RREB1: variants seen among roughly 807,000 people sequenced by gnomAD.
RREB1 encodes the protein ras responsive element binding protein 1.
In RREB1, 27 loss-of-function variants were observed where a neutral mutation model predicts 117.8. The observed-to-expected ratio is 0.23, with a 90% confidence interval of 0.17 to 0.32. The LOEUF (loss-of-function observed/expected upper bound fraction) is 0.32. RREB1 is among the 10% of genes least tolerant of loss of function. RREB1 has a pLI of 1.00. For missense variants in RREB1, 2,577 were observed against 2,378.2 expected, an observed-to-expected ratio of 1.08 and a Z score of -1.74; for synonymous variants, 1,298 against 1,026.7, an observed-to-expected ratio of 1.26 and a Z score of -5.05.
intron 12 of RREB1, 72 bp from the exon 13 acceptor site, chr6:7,248,439 C>G (rs1468758137): frequency 2.2e-6 from 3 of 1,341,036 alleles, no homozygotes; most frequent in Non-Finnish European, 3.2e-6. Context: ...CCTCATTCTT[C>G]CTGTGCAGAG....
intron 1 of RREB1, among the ~76,000 whole-genome samples, chr6:7,123,549 TAGTG>T (rs1404056901): frequency 6.6e-6 from 1 of 151,594 alleles, no homozygotes; most frequent in Non-Finnish European, 1.5e-5. Flanking sequence ...TTTGGAATTT[TAGTG>T]AGGTTTTCTC....
chr6:7,228,891 T>C (rs909770728), intron 9 of RREB1, 106 bp from the exon 10 acceptor site: 1 of 999,974 alleles, frequency 1.0e-6, no homozygotes, highest in Non-Finnish European at 1.4e-6. Flanking sequence ...GGAAAGGCTG[T>C]GTACTGGGAT....
intron 6 of RREB1, among the ~76,000 whole-genome samples, chr6:7,191,661 G>C (rs1208097504): frequency 6.6e-6 from 1 of 152,158 alleles, no homozygotes; most frequent in Non-Finnish European, 1.5e-5. Context: ...ACGTCTCATA[G>C]TTTTCAGAGT....
chr6:7,155,699 A>G (rs1322627158), intron 1 of RREB1, among the ~76,000 whole-genome samples: 1 of 152,276 alleles, frequency 6.6e-6, no homozygotes, highest in East Asian at 1.9e-4. Context: ...GGAAATCCAG[A>G]TAGAGTTAGA....
intron 1 of RREB1, among the ~76,000 whole-genome samples, chr6:7,174,656 TG>T (rs1764412701): frequency 6.6e-6 from 1 of 152,254 alleles, no homozygotes; most frequent in African/African-American, 2.4e-5. Context: ...TCGTCCAGGC[TG>T]GAGTGCAGAG....
chr6:7,157,028 C>A (rs1315401817), intron 1 of RREB1, among the ~76,000 whole-genome samples: 1 of 152,210 alleles, frequency 6.6e-6, no homozygotes, highest in African/African-American at 2.4e-5. Flanking sequence ...GCTGCCTTGC[C>A]CCAGCTCCCT....
At chr6:7,109,032 G>T (rs1238407802) in intron 1 of RREB1, among the ~76,000 whole-genome samples, 1 of 151,378 alleles carries the variant, frequency 6.6e-6, no homozygotes, top group Admixed American at 6.6e-5. Context: ...GGCGGGGGGG[G>T]TGGGGGGCTC....
At chr6:7,148,117 G>A (rs1413118025) in intron 1 of RREB1, among the ~76,000 whole-genome samples, 1 of 152,104 alleles carries the variant, frequency 6.6e-6, no homozygotes, top group African/African-American at 2.4e-5. Context: ...TGGGGGGAGA[G>A]GTATGTAAAA....
intron 1 of RREB1, among the ~76,000 whole-genome samples, chr6:7,116,875 C>T (rs182654695): frequency 6.6e-6 from 1 of 152,274 alleles, no homozygotes; most frequent in East Asian, 1.9e-4. Context: ...TTTCATGGCT[C>T]TTGATTTGAA....
At chr6:7,119,434 G>C (rs1241162110) in intron 1 of RREB1, among the ~76,000 whole-genome samples, 1 of 152,182 alleles carries the variant, frequency 6.6e-6, no homozygotes, top group Admixed American at 6.5e-5. Flanking sequence ...TGTGGCCTTT[G>C]TGTGTGGGGG....
At position 7,230,608 on chromosome 6, in the gene RREB1, C is replaced by A. The variant is rs1227710855; in HGVS notation, c.2509C>A (p.Pro837Thr). The A allele has an allele frequency of 6.2e-7, 1 of 1,603,914 alleles. No homozygotes were observed. Among genetic ancestry groups the A allele is most frequent in the South Asian group, 1.1e-5 (1 of 90,322 alleles). The change falls in exon 10 of 13, where the codon CCG becomes ACG. Residue 837 changes from proline to threonine, a missense_variant. Physicochemically the swap from Pro to Thr is conservative, Grantham distance 38. Transcript: ENST00000379938. The stretch of plus-strand genomic sequence containing the variant: ...CGACGGCCTGGGCCCCGCAGAGGCG[C>A]CGGCCGCTGAGGCGTCGGGGCGCGG... The part of the protein sequence containing the change: ...AADGLGPAEA[P>T]AAEASGRGED...
intron 1 of RREB1, among the ~76,000 whole-genome samples, chr6:7,118,732 A>T (rs1171945348): frequency 6.7e-6 from 1 of 149,876 alleles, no homozygotes; most frequent in Admixed American, 6.6e-5. Context: ...TCAGTATGAG[A>T]TTTAGCGTCC....
rs1459985057 is a variant in RREB1, at chr6:7,248,707, G to A, written c.4968G>A (p.Glu1656=). 1 of 1,614,224 alleles carries A rather than the reference G, an allele frequency of 6.2e-7. No homozygotes were observed. ...GCAACAACGCCGTCTCAGAGAACGAGGCTGAGCTGGCTCCCAATGCCAGCA... is the reference window on the plus strand; with the variant it reads ...GCAACAACGCCGTCTCAGAGAACGAAGCTGAGCTGGCTCCCAATGCCAGCA... ...HSGNNAVSEN[E]AELAPNASNH... The change falls in exon 13 of 13, where the codon GAG becomes GAA. Residue 1656 remains glutamate (E), a synonymous_variant. Transcript: ENST00000379938.
rs368033890 is a variant in RREB1, at chr6:7,223,561, C to CAAAAAAAAAAAAAAAAAAA, written c.708-2892_708-2891insAAAAAAAAAAAAAAAAAAA. 3.1e-5 allele frequency among the ~76,000 whole-genome samples: 3 copies of CAAAAAAAAAAAAAAAAAAA among 95,768 alleles called. 1 individual carries two copies. Among genetic ancestry groups the CAAAAAAAAAAAAAAAAAAA allele is most frequent in the African/African-American group, 9.9e-5 (2 of 20,148 alleles). The allele number at this position is 95,768 out of a possible 152,430, so 62.8% of individuals were successfully genotyped here. ...GGGCAACAAAACAAAACTCTTGTCT[C>CAAAAAAAAAAAAAAAAAAA]AAAAAAAAAAAAAAGGTGAAGAGTA... On this transcript the variant is annotated intron_variant, in intron 8 of 12. Coordinates refer to ENST00000379938, the MANE Select transcript of RREB1 (RefSeq NM_001003699.4).
In RREB1 at chr6:7,146,858, C is replaced by T. The variant is rs530035359; in HGVS notation, c.-284-29797C>T. 4.0e-5 allele frequency among the ~76,000 whole-genome samples: 6 copies of T among 151,486 alleles called. No homozygotes were observed. In the East Asian group the frequency reaches 1.2e-3, roughly 29 times the overall value. ...TCTTCACACTGGTTGGAAGATGTTT[C>T]TGATTCTAGTTTGTCTGGCACTCTG... is the stretch of plus-strand genomic sequence containing the variant. On this transcript the variant is annotated intron_variant, in intron 1 of 12. Transcript: ENST00000379938.
intron 1 of RREB1, among the ~76,000 whole-genome samples, chr6:7,108,960 C>G (rs1397912212): frequency 6.8e-6 from 1 of 147,746 alleles, no homozygotes; most frequent in African/African-American, 2.5e-5. Flanking sequence ...TTCCCTCGCC[C>G]TTCCGTTGGC....
Position 7,246,623 on chromosome 6 carries a change from G to C in RREB1, c.4173G>C (p.Glu1391Asp). 6.4e-7 allele frequency: 1 copy of C among 1,567,526 alleles called. No homozygotes were observed. Among genetic ancestry groups the C allele is most frequent in the East Asian group, 2.4e-5 (1 of 42,238 alleles). Residue 1391 changes from glutamate (E) to aspartate (D), a missense_variant, in exon 12 of 13, where the codon GAG becomes GAC. Physicochemically the swap from Glu to Asp is conservative, Grantham distance 45. Transcript: ENST00000379938. ...EHGRGESHEP[E>D]EEHGTEESTG... Reference sequence around the variant, plus strand: ...GGCGTGGGGAGAGCCATGAGCCGGAGGAGGAGCATGGCACTGAGGAGAGCA... The same window carrying C: ...GGCGTGGGGAGAGCCATGAGCCGGACGAGGAGCATGGCACTGAGGAGAGCA...
intron 6 of RREB1, among the ~76,000 whole-genome samples, chr6:7,198,318 T>C (rs1462247349): frequency 6.6e-6 from 1 of 152,232 alleles, no homozygotes; most frequent in Non-Finnish European, 1.5e-5. Context: ...ATTATATATT[T>C]ATTTGTAGGA....
chr6:7,110,494 G>GTGTGTGTGTGTGTA (rs780372991), intron 1 of RREB1, among the ~76,000 whole-genome samples: 1,974 of 152,190 alleles, frequency 0.013, 35 homozygotes, highest in African/African-American at 0.044. Context: ...GTGTGTGTGT[G>GTGTGTGTGTGTGTA]TGTATGTGTT....
Sources: allele counts gnomAD v4.1 joint callset (sites outside exome capture counted in the v4.1 genomes callset), GRCh38; gene constraint gnomAD v4.1.1; transcripts MANE v1.5; gene names NCBI Gene and HGNC (gene_info 2026-07-23, HGNC 2026-07-21).